The following CNTN4 variants were observed in gnomAD, a reference collection of about 807,000 sequenced individuals.
CNTN4 encodes the protein contactin 4.
CNTN4 carries 77 observed loss-of-function variants against 122.5 expected under a neutral mutation model. The observed-to-expected ratio is 0.63, with a 90% CI of 0.52 to 0.76. The LOEUF is 0.76. Among genes scored for constraint, CNTN4 ranks in the 30% least tolerant of loss-of-function variants. The pLI, the probability that CNTN4 is intolerant of heterozygous loss-of-function variation, is 0.00. For missense variants in CNTN4, 1,256 were observed against 1,259.1 expected (o/e 1.00, Z 0.04); for synonymous variants, 512 against 447.0 (o/e 1.15, Z -1.83).
chr3:3,052,868 G>C (rs1474373719), intron 23 of CNTN4, among the ~76,000 whole-genome samples: 2 of 152,172 alleles, frequency 1.3e-5, no homozygotes, highest in Non-Finnish European at 1.5e-5. Context: ...TTCTCCCTGT[G>C]CTGAAATGTC....
intron 12 of CNTN4, among the ~76,000 whole-genome samples, chr3:2,916,351 C>T (rs913408024): frequency 6.7e-6 from 1 of 149,524 alleles, no homozygotes; most frequent in African/African-American, 2.5e-5. Flanking sequence ...GCCCTGCGGC[C>T]TTCCGCAGTG....
At chr3:2,562,167 A>G (rs2078983444) in intron 3 of CNTN4, among the ~76,000 whole-genome samples, 2 of 152,310 alleles carry the variant, frequency 1.3e-5, no homozygotes, top group African/African-American at 2.4e-5. Flanking sequence ...GGCTACATAT[A>G]CCTATTTGGG....
At chr3:2,823,677 T>C (rs1269833360) in intron 7 of CNTN4, among the ~76,000 whole-genome samples, 1 of 152,208 alleles carries the variant, frequency 6.6e-6, no homozygotes, top group Non-Finnish European at 1.5e-5. Flanking sequence ...CAGGAATTCA[T>C]GACCTTTAAC....
intron 4 of CNTN4, among the ~76,000 whole-genome samples, chr3:2,638,009 T>C (rs2082739820): frequency 6.6e-6 from 1 of 152,246 alleles, no homozygotes; most frequent in Non-Finnish European, 1.5e-5. Context: ...TTATAAATTG[T>C]ACCTCTACAA....
intron 2 of CNTN4, among the ~76,000 whole-genome samples, chr3:2,137,627 A>G (rs2034761013): frequency 6.6e-6 from 1 of 152,142 alleles, no homozygotes; most frequent in African/African-American, 2.4e-5. Flanking sequence ...CCTTGTGTAG[A>G]AAAAAGATTG....
chr3:2,831,070 G>A (rs558355475), intron 7 of CNTN4, among the ~76,000 whole-genome samples: 3 of 152,234 alleles, frequency 2.0e-5, no homozygotes, highest in Admixed American at 2.0e-4. Context: ...GTTCAGTTTG[G>A]TTTTCAGACA....
intron 22 of CNTN4, 107 bp from the exon 23 acceptor site, chr3:3,043,485 A>G (rs1337097106): frequency 9.8e-6 from 8 of 819,756 alleles, no homozygotes; most frequent in African/African-American, 1.7e-5. Context: ...TATTAGTGCA[A>G]TAGCCCATTA....
chr3:2,187,360 A>G lies in CNTN4; in HGVS notation c.-145+86721A>G, dbSNP rs979067960. Among the ~76,000 whole-genome samples, 10 of 152,226 alleles carry G rather than the reference A, an allele frequency of 6.6e-5. 1 individual carries two copies. The highest frequency in any genetic ancestry group is 6.5e-5 in the Admixed American group (1 of 15,288). ...GTAGTATTGTTTGAAGTCAGGTAGC[A>G]TGATGCCTCCAGCTTTGTTCTTTTG... On this transcript the variant is annotated intron_variant, in intron 2 of 24. Transcript: ENST00000418658.
rs551210414 is a variant in CNTN4, at chr3:2,619,402, A to C, written c.55+47844A>C. On this transcript the variant is annotated intron_variant, in intron 4 of 24. Coordinates refer to ENST00000418658, the MANE Select transcript of CNTN4 (RefSeq NM_175607.3). ...AACCTAGAAATTGCATTGATTGTAA[A>C]TATTTTCAAATGAATATCTTGAAGA... Among the ~76,000 whole-genome samples, 10 of 152,358 alleles carry C rather than the reference A, an allele frequency of 6.6e-5. 1 individual carries two copies. The South Asian group carries it at 2.1e-3, about 32-fold the overall frequency.
intron 4 of CNTN4, among the ~76,000 whole-genome samples, chr3:2,717,850 T>C (rs548025050): frequency 2.0e-5 from 3 of 152,332 alleles, no homozygotes; most frequent in African/African-American, 7.2e-5. Context: ...TATGTATTTC[T>C]TTAATAGCCA....
At chr3:2,324,207 G>C (rs181514198) in intron 2 of CNTN4, among the ~76,000 whole-genome samples, 4 of 152,254 alleles carry the variant, frequency 2.6e-5, no homozygotes, top group Admixed American at 2.6e-4. Flanking sequence ...CCAGGGGCAG[G>C]GTGTTGGGCT....
At chr3:2,692,585 C>A (rs2085800154) in intron 4 of CNTN4, among the ~76,000 whole-genome samples, 7 of 152,036 alleles carry the variant, frequency 4.6e-5, no homozygotes, top group Admixed American at 4.6e-4. Context: ...ACTAAAATAT[C>A]CGGCAACAGT....
chr3:2,803,709 G>C (rs755334971), intron 6 of CNTN4, among the ~76,000 whole-genome samples: 1 of 151,936 alleles, frequency 6.6e-6, no homozygotes, highest in Non-Finnish European at 1.5e-5. Flanking sequence ...ACTGGTGCCT[G>C]CCACCACGCC....
intron 2 of CNTN4, among the ~76,000 whole-genome samples, chr3:2,232,679 A>AG (rs1396331547): frequency 6.6e-6 from 1 of 152,214 alleles, no homozygotes; most frequent in East Asian, 1.9e-4. Flanking sequence ...CTATTACCCC[A>AG]GGCATTTATC....
chr3:2,996,350 G>A (rs1257760013), intron 14 of CNTN4, among the ~76,000 whole-genome samples: 1 of 152,150 alleles, frequency 6.6e-6, no homozygotes, highest in African/African-American at 2.4e-5. Context: ...TACATGGTCA[G>A]ATATTGCAGG....
chr3:2,221,625 A>G (rs2039064372), intron 2 of CNTN4, among the ~76,000 whole-genome samples: 1 of 152,074 alleles, frequency 6.6e-6, no homozygotes, highest in South Asian at 2.1e-4. Context: ...GGAGGTGGAG[A>G]AAATACTTTT....
chr3:2,483,585 TGG>T lies in CNTN4; in HGVS notation c.-88-87830_-88-87829del, dbSNP rs1277880111. Among the ~76,000 whole-genome samples, 16 of 152,292 alleles carry T rather than the reference TGG, an allele frequency of 1.1e-4. No homozygotes were observed. The East Asian group carries it at 2.9e-3, about 28-fold the overall frequency. On this transcript the variant is annotated intron_variant, in intron 3 of 24. Transcript: ENST00000418658. ...GTAATCCCATAATTCCCATGTGTTG[TGG>T]AAGGGACCCCTTGGGAGGTAATTGA...
At chr3:2,593,439 T>C (rs1266546253) in intron 4 of CNTN4, among the ~76,000 whole-genome samples, 2 of 152,210 alleles carry the variant, frequency 1.3e-5, no homozygotes, top group African/African-American at 2.4e-5. Context: ...TAGGTATAAT[T>C]TTCCCATGGT....
chr3:2,694,375 T>C (rs1326600771), intron 4 of CNTN4, among the ~76,000 whole-genome samples: 2 of 152,230 alleles, frequency 1.3e-5, no homozygotes, highest in Non-Finnish European at 2.9e-5. Context: ...CTTATAGATC[T>C]AGAGTTTCTC....
Sources: gnomAD v4.1 joint callset for allele counts (sites outside exome capture counted in the v4.1 genomes callset) on GRCh38, gnomAD v4.1.1 for gene constraint, MANE v1.5 for transcripts, NCBI Gene and HGNC (gene_info 2026-07-23, HGNC 2026-07-21) for gene names.